Variants in ROR1 observed in about 807,000 individuals in gnomAD.
The protein encoded by ROR1 is inactive tyrosine-protein kinase transmembrane receptor ROR1.
ROR1 carries 19 observed loss-of-function variants against 78.8 expected under a neutral mutation model. The ratio of observed to expected loss-of-function variants is 0.24; its 90% CI spans 0.17 to 0.35. The LOEUF (loss-of-function observed/expected upper bound fraction) is 0.35, where lower values mean the gene tolerates loss of function less well. ROR1 is among the 10% of genes least tolerant of loss of function. The pLI is 1.00. For synonymous variants in ROR1, 386 were observed against 433.6 expected, an observed-to-expected ratio of 0.89 and a Z score of 1.36; for missense variants, 917 against 1,177.8, an observed-to-expected ratio of 0.78 and a Z score of 3.24.
chr1:63,902,168 C>A (rs1204476254), intron 1 of ROR1, among the ~76,000 whole-genome samples: 1 of 152,018 alleles, frequency 6.6e-6, no homozygotes, highest in Non-Finnish European at 1.5e-5. Context: ...TTAAAAAATT[C>A]TTTGTTCATA....
At chr1:63,791,518 A>G (rs956120339) in intron 1 of ROR1, among the ~76,000 whole-genome samples, 27 of 152,154 alleles carry the variant, frequency 1.8e-4, no homozygotes, top group Admixed American at 2.0e-4. Flanking sequence ...CTCACTTCCC[A>G]GGCCCCTTTC....
intron 1 of ROR1, among the ~76,000 whole-genome samples, chr1:63,927,542 A>G (rs1469369131): frequency 2.9e-5 from 3 of 102,654 alleles, no homozygotes; most frequent in African/African-American, 6.7e-5. Context: ...GTTAGAGAGG[A>G]TTCCCTCTTT....
At chr1:63,905,235 T>C (rs1645519335) in intron 1 of ROR1, among the ~76,000 whole-genome samples, 1 of 152,190 alleles carries the variant, frequency 6.6e-6, no homozygotes, top group South Asian at 2.1e-4. Flanking sequence ...TCTGAAGCCA[T>C]TTCCATCTCC....
intron 8 of ROR1, among the ~76,000 whole-genome samples, chr1:64,173,748 C>T (rs144337053): frequency 0.017 from 2,622 of 152,268 alleles, 62 homozygotes; most frequent in Non-Finnish European, 0.021. Context: ...GCCACGAAGC[C>T]CCAAGGCCAT....
At chr1:64,076,454 A>T (rs1048152537) in intron 4 of ROR1, among the ~76,000 whole-genome samples, 1 of 152,230 alleles carries the variant, frequency 6.6e-6, no homozygotes, top group Admixed American at 6.5e-5. Context: ...CCAGATAAGC[A>T]TCCAGGTCAA....
At chr1:64,086,385 A>G (rs959835865) in intron 4 of ROR1, among the ~76,000 whole-genome samples, 27 of 152,312 alleles carry the variant, frequency 1.8e-4, no homozygotes, top group African/African-American at 5.8e-4. Context: ...CATTTACTCA[A>G]TAGATAGTTA....
In ROR1 at chr1:63,860,294, T is replaced by TTCCTA. The variant is rs1156638208; in HGVS notation, c.91+85789_91+85793dup. Among the ~76,000 whole-genome samples, 3 of 152,184 alleles carry TTCCTA rather than the reference T, an allele frequency of 2.0e-5. No individual in the cohort carries two copies. In the East Asian group the frequency reaches 5.8e-4, roughly 29 times the overall value. On this transcript the variant is annotated intron_variant, in intron 1 of 8. Transcript: ENST00000371079. ...TTTATGTGTGGGAAGGTGGTTAACT[T>TTCCTA]TCCTATCTGTAAGGAGAAATGCTCA...
At chr1:64,142,817 C>A (rs540607739) in intron 7 of ROR1, 167 bp downstream of exon 7, 17 of 1,431,152 alleles carry the variant, frequency 1.2e-5, no homozygotes, top group Non-Finnish European at 1.5e-5. Context: ...TAAAACACCT[C>A]GTAAGGTACC....
At chr1:63,782,948 C>A (rs1004720489) in intron 1 of ROR1, among the ~76,000 whole-genome samples, 15 of 152,010 alleles carry the variant, frequency 9.9e-5, no homozygotes, top group Non-Finnish European at 1.8e-4. Context: ...TGATGTGAGC[C>A]TTGAAGGAAG....
At chr1:64,133,657 C>T (rs763405724) in intron 4 of ROR1, among the ~76,000 whole-genome samples, 3 of 152,254 alleles carry the variant, frequency 2.0e-5, no homozygotes, top group African/African-American at 7.2e-5. Flanking sequence ...GGCAGCGGCG[C>T]ACGCTGGTGC....
chr1:64,177,557 A>C lies in ROR1; in HGVS notation c.1516A>C (p.Lys506Gln). ...GGACCATGCTCAGCTGGTTGCTATC[A>C]AGACCTTGAAAGACTATAACAACCC... ...GMDHAQLVAI[K>Q]TLKDYNNPQQ... The change falls in exon 9 of 9, where the codon AAG becomes CAG. Residue 506 changes from lysine (K) to glutamine (Q), a missense_variant. Physicochemically the swap from Lys to Gln is moderately conservative, Grantham distance 53. Coordinates refer to ENST00000371079, the MANE Select transcript of ROR1 (RefSeq NM_005012.4). 1 of 1,614,196 alleles carries C rather than the reference A, an allele frequency of 6.2e-7. No homozygotes were observed. Among genetic ancestry groups the C allele is most frequent in the Non-Finnish European group, 8.5e-7 (1 of 1,180,034 alleles).
intron 1 of ROR1, among the ~76,000 whole-genome samples, chr1:63,953,376 A>G (rs1482431163): frequency 1.3e-5 from 2 of 152,164 alleles, no homozygotes; most frequent in Non-Finnish European, 2.9e-5. Context: ...TATATTTACT[A>G]TGTTTCCTAC....
intron 4 of ROR1, among the ~76,000 whole-genome samples, chr1:64,077,486 G>A (rs1647060548): frequency 6.6e-6 from 1 of 152,260 alleles, no homozygotes; most frequent in African/African-American, 2.4e-5. Flanking sequence ...GAAGAGAGAA[G>A]CAGGCACGTC....
intron 1 of ROR1, among the ~76,000 whole-genome samples, chr1:63,971,537 T>C (rs1235039416): frequency 1.3e-5 from 2 of 152,216 alleles, no homozygotes; most frequent in African/African-American, 4.8e-5. Context: ...CTACCAGTTC[T>C]TTCATCTCAT....
chr1:63,978,499 G>C (rs1646180631), intron 1 of ROR1, among the ~76,000 whole-genome samples: 1 of 152,136 alleles, frequency 6.6e-6, no homozygotes, highest in African/African-American at 2.4e-5. Context: ...TTATTTTGTA[G>C]ATTATTCTGT....
At chr1:63,835,879 G>A (rs923111617) in intron 1 of ROR1, among the ~76,000 whole-genome samples, 1 of 152,218 alleles carries the variant, frequency 6.6e-6, no homozygotes, top group Non-Finnish European at 1.5e-5. Flanking sequence ...AGGAAATGGA[G>A]CTTGGGAGTG....
chr1:64,078,679 A>G (rs955484817), intron 4 of ROR1, among the ~76,000 whole-genome samples: 1 of 152,202 alleles, frequency 6.6e-6, no homozygotes, highest in Non-Finnish European at 1.5e-5. Context: ...AAAGATAAGA[A>G]GAGAACCAAA....
chr1:64,122,271 A>G (rs112828855), intron 4 of ROR1, among the ~76,000 whole-genome samples: 32 of 152,326 alleles, frequency 2.1e-4, no homozygotes, highest in Non-Finnish European at 4.0e-4. Flanking sequence ...ATTAAAATGT[A>G]ACTATGTGAT....
chr1:64,163,261 AC>A (rs1649996449), intron 8 of ROR1, among the ~76,000 whole-genome samples: 2 of 135,226 alleles, frequency 1.5e-5, no homozygotes, highest in Non-Finnish European at 3.3e-5. Flanking sequence ...ACACACACAC[AC>A]ACACAATTCG....
Sources: gnomAD v4.1 joint callset for allele counts (sites outside exome capture counted in the v4.1 genomes callset) on GRCh38, gnomAD v4.1.1 for gene constraint, MANE v1.5 for transcripts, NCBI Gene and HGNC (gene_info 2026-07-23, HGNC 2026-07-21) for gene names.